Variants in NIPAL2 observed in about 807,000 individuals in gnomAD.
NIPAL2 encodes the protein NIPA like domain containing 2.
NIPAL2 carries 43 observed loss-of-function variants against 48.9 expected under a neutral mutation model. The observed-to-expected ratio is 0.88, with a 90% CI of 0.69 to 1.13. NIPAL2 has a LOEUF of 1.13. Ranked by LOEUF, NIPAL2 falls within the 50% of genes most tolerant of loss-of-function variation. The probability of loss-of-function intolerance (pLI) is 0.00; values close to 1 mark genes in which losing one functional copy is unlikely to be tolerated. For synonymous variants in NIPAL2, 167 were observed against 174.6 expected (o/e 0.96, Z 0.34); for missense variants, 446 against 461.4 (o/e 0.97, Z 0.31).
rs141322967 is a variant in NIPAL2, at chr8:98,291,442, T to C, written c.135+2561A>G. On this transcript the variant is annotated intron_variant, in intron 1 of 10. Coordinates refer to ENST00000430223, the MANE Select transcript of NIPAL2 (RefSeq NM_001321635.2). ...CCACCTCTCCACAAAACATCCCTGA[T>C]GGCCCAGCCAAATGCCCCTTTGCTC... Among the ~76,000 whole-genome samples the C allele has an allele frequency of 7.9e-4, 121 of 152,330 alleles. No individual in the cohort carries two copies. The East Asian group carries it at 0.013, about 16-fold the overall frequency.
At chr8:98,195,721 C>T (rs56906975) in intron 9 of NIPAL2, 143,958 of 392,892 alleles carry the variant, frequency 0.37, 27,298 homozygotes, top group South Asian at 0.49. Flanking sequence ...AATTGGAAAT[C>T]CCCAATGTTT....
chr8:98,246,330 G>A (rs1467954756), intron 3 of NIPAL2, among the ~76,000 whole-genome samples: 1 of 152,150 alleles, frequency 6.6e-6, no homozygotes, highest in East Asian at 1.9e-4. Flanking sequence ...TTTGATTTGA[G>A]CAAAAACCAG....
At chr8:98,251,490 C>T (rs1455781555) in intron 3 of NIPAL2, 3 of 152,164 alleles carry the variant, frequency 2.0e-5, no homozygotes, top group African/African-American at 4.8e-5. Context: ...AACAGGATGG[C>T]TCTTTTAAGT....
intron 8 of NIPAL2, among the ~76,000 whole-genome samples, chr8:98,199,275 C>T (rs1026109806): frequency 1.3e-5 from 2 of 152,058 alleles, no homozygotes; most frequent in Non-Finnish European, 2.9e-5. Flanking sequence ...TTTTCTTTTG[C>T]ATTCACAACT....
Position 98,196,019 on chromosome 8 carries a change from A to G in NIPAL2, c.881-14T>C, listed in dbSNP as rs1810527490. The stretch of plus-strand genomic sequence containing the variant: ...AAAATATGATACCTGTAACACAGGA[A>G]AAGAAGACAAAATTGATTTTGAAGT... On this transcript the variant is annotated splice_polypyrimidine_tract_variant and intron_variant, in intron 8 of 10. Transcript: ENST00000430223. 6.7e-7 allele frequency: 1 copy of G among 1,488,190 alleles called. No individual in the cohort carries two copies. Among genetic ancestry groups the G allele is most frequent in the Non-Finnish European group, 9.2e-7 (1 of 1,087,998 alleles). 92.2% of individuals were successfully genotyped at this position (1,488,190 alleles called of 1,614,324 possible).
At chr8:98,242,029 G>A (rs1015919569) in intron 3 of NIPAL2, among the ~76,000 whole-genome samples, 1 of 151,974 alleles carries the variant, frequency 6.6e-6, no homozygotes, top group Non-Finnish European at 1.5e-5. Flanking sequence ...GTATACCATG[G>A]CATAAAAGGC....
intron 3 of NIPAL2, among the ~76,000 whole-genome samples, chr8:98,239,451 GA>G (rs1812877001): frequency 6.6e-6 from 1 of 152,112 alleles, no homozygotes; most frequent in Non-Finnish European, 1.5e-5. Context: ...AGGAGGAGGG[GA>G]AAATGTTATA....
chr8:98,267,142 G>T (rs1746763553), intron 1 of NIPAL2, among the ~76,000 whole-genome samples: 1 of 152,036 alleles, frequency 6.6e-6, no homozygotes, highest in African/African-American at 2.4e-5. Flanking sequence ...AATGAATATG[G>T]AAAATATTTG....
At chr8:98,205,478 GT>G (rs35590416) in intron 6 of NIPAL2, among the ~76,000 whole-genome samples, 67 of 147,618 alleles carry the variant, frequency 4.5e-4, no homozygotes, top group East Asian at 2.8e-3. Flanking sequence ...GTGACTGTGT[GT>G]TTTTTTTTTT....
At chr8:98,211,711 TGA>T (rs35032754) in intron 6 of NIPAL2, among the ~76,000 whole-genome samples, 118 of 126,630 alleles carry the variant, frequency 9.3e-4, no homozygotes, top group South Asian at 1.1e-3. Flanking sequence ...TATATATGAG[TGA>T]GAGAGAGAGA....
intron 1 of NIPAL2, among the ~76,000 whole-genome samples, chr8:98,263,452 C>G (rs1251557578): frequency 9.6e-4 from 144 of 150,156 alleles, no homozygotes; most frequent in Middle Eastern, 3.5e-3. Context: ...GGGATATCAC[C>G]ACCGATCCCA....
chr8:98,285,850 G>A (rs188369484), intron 1 of NIPAL2, among the ~76,000 whole-genome samples: 6 of 152,160 alleles, frequency 3.9e-5, no homozygotes, highest in Admixed American at 1.3e-4. Context: ...AAAGAAATCA[G>A]GTCAATAGTC....
rs372007440 is a variant in NIPAL2, at chr8:98,287,952, T to C, written c.135+6051A>G. 1.0e-3 allele frequency among the ~76,000 whole-genome samples: 155 copies of C among 152,346 alleles called. 1 individual carries two copies. In the South Asian group the frequency reaches 0.03, roughly 30 times the overall value. On this transcript the variant is annotated intron_variant, in intron 1 of 10. Transcript: ENST00000430223. ...TTCTCATAAGCTAACAAAATGAATA[T>C]GACATACCATTTCCCATGCTACCTA...
rs572715783 is a variant in NIPAL2 at position 98,276,759 on chromosome 8, CT to C, written c.135+17243del. Reference sequence around the variant, plus strand: ...TCCATGTTTACCCATTTCTTTCTTTCTTTTTTTTTTCTTTTCTTTTTTCTTT... The same window carrying C: ...TCCATGTTTACCCATTTCTTTCTTTCTTTTTTTTTCTTTTCTTTTTTCTTT... On this transcript the variant is annotated intron_variant, in intron 1 of 10. Coordinates refer to ENST00000430223, the MANE Select transcript of NIPAL2 (RefSeq NM_001321635.2). 4.0e-4 allele frequency among the ~76,000 whole-genome samples: 59 copies of C among 148,686 alleles called. 1 individual carries two copies. The South Asian group carries it at 8.4e-3, about 21-fold the overall frequency.
intron 3 of NIPAL2, among the ~76,000 whole-genome samples, chr8:98,249,511 T>G (rs1242393062): frequency 6.6e-6 from 1 of 151,296 alleles, no homozygotes; most frequent in East Asian, 1.9e-4. Flanking sequence ...GTCATATATG[T>G]CATACGTATA....
intron 1 of NIPAL2, among the ~76,000 whole-genome samples, chr8:98,281,974 A>C (rs1340266725): frequency 6.6e-6 from 1 of 152,138 alleles, no homozygotes; most frequent in East Asian, 1.9e-4. Context: ...GAGCCAGGAC[A>C]CTCTCTCCAT....
intron 3 of NIPAL2, among the ~76,000 whole-genome samples, chr8:98,244,510 G>C (rs1324019334): frequency 7.8e-6 from 1 of 128,646 alleles, no homozygotes; most frequent in East Asian, 2.5e-4. Flanking sequence ...TGATGAGCGG[G>C]TAGGCTGTGA....
intron 1 of NIPAL2, among the ~76,000 whole-genome samples, chr8:98,263,861 C>T (rs1001977433): frequency 1.6e-5 from 2 of 121,732 alleles, no homozygotes; most frequent in African/African-American, 6.7e-5. Flanking sequence ...CCTTGATGAA[C>T]ATTGATGCAA....
chr8:98,288,410 T>C (rs1169006541), intron 1 of NIPAL2, among the ~76,000 whole-genome samples: 1 of 151,636 alleles, frequency 6.6e-6, no homozygotes, highest in African/African-American at 2.4e-5. Context: ...ATGGTGTATA[T>C]ATGCCACATT....
Sources: allele counts gnomAD v4.1 joint callset (sites outside exome capture counted in the v4.1 genomes callset), GRCh38; gene constraint gnomAD v4.1.1; transcripts MANE v1.5; gene names NCBI Gene and HGNC (gene_info 2026-07-23, HGNC 2026-07-21).